Variants in C7 observed in about 807,000 individuals in gnomAD.
C7 encodes complement C7.
A neutral mutation model predicts 104.8 loss-of-function variants in C7; 83 were observed. The ratio of observed to expected loss-of-function variants is 0.79; its 90% confidence interval spans 0.66 to 0.95. C7 has a LOEUF of 0.95. Ranked by LOEUF, C7 falls within the 40% of genes least tolerant of loss-of-function variation. The pLI is 0.00. For synonymous variants in C7, 415 were observed against 360.6 expected, an observed-to-expected ratio of 1.15 and a Z score of -1.71; for missense variants, 1,070 against 1,011.2, an observed-to-expected ratio of 1.06 and a Z score of -0.79.
chr5:40,914,120 C>T (rs1739268530), intron 1 of C7, among the ~76,000 whole-genome samples: 1 of 152,198 alleles, frequency 6.6e-6, no homozygotes. Context: ...TGAGCCATCA[C>T]ATTCAGCCAG....
intron 6 of C7, among the ~76,000 whole-genome samples, chr5:40,938,029 C>G (rs978498468): frequency 6.6e-6 from 1 of 152,140 alleles, no homozygotes; most frequent in African/African-American, 2.4e-5. Flanking sequence ...GACACTGCTA[C>G]AGTGTCAGCT....
At chr5:40,967,081 T>TTTGAGATGGA (rs1740571267) in intron 14 of C7, among the ~76,000 whole-genome samples, 1 of 104,650 alleles carries the variant, frequency 9.6e-6, no homozygotes, top group Non-Finnish European at 2.4e-5. Context: ...TTTTTTTTTT[T>TTTGAGATGGA]CTTTGAGATG....
In C7 at chr5:40,936,467, T is replaced by C. The variant is rs914605329; in HGVS notation, c.410T>C (p.Ile137Thr). The change falls in exon 5 of 18, where the codon ATA (isoleucine) becomes ACA (threonine). Residue 137 changes from isoleucine (I) to threonine (T), a missense_variant. Transcript: ENST00000313164. ...SCDIDKPPPN[I>T]ELTGNGYNEL... Reference sequence around the variant, plus strand: ...GATATCGATAAACCTCCTCCTAACATAGAACTTACTGGAAATGGGTAAGGT... The same window carrying C: ...GATATCGATAAACCTCCTCCTAACACAGAACTTACTGGAAATGGGTAAGGT... The C allele has an allele frequency of 3.7e-6, 6 of 1,613,018 alleles. No homozygotes were observed. In the African/African-American group the frequency reaches 8.0e-5, roughly 22 times the overall value.
At chr5:40,975,055 G>T (rs947456582) in intron 15 of C7, among the ~76,000 whole-genome samples, 1 of 152,100 alleles carries the variant, frequency 6.6e-6, no homozygotes, top group African/African-American at 2.4e-5. Flanking sequence ...GGACAAAACT[G>T]CCCCTGGTTG....
intron 14 of C7, among the ~76,000 whole-genome samples, chr5:40,965,649 T>TATATATATATATATATA (rs1554043911): frequency 1.1e-4 from 3 of 26,638 alleles, no homozygotes; most frequent in African/African-American, 7.4e-4. Flanking sequence ...TATATATATA[T>TATATATATATATATATA]TTTTTTTTTG....
At chr5:40,916,511 G>A (rs534858100) in intron 1 of C7, among the ~76,000 whole-genome samples, 18 of 152,156 alleles carry the variant, frequency 1.2e-4, no homozygotes, top group African/African-American at 3.4e-4. Flanking sequence ...GTATCCCTCC[G>A]GAGTGCTGTA....
In C7 at chr5:40,968,756, C is replaced by T. The variant is rs187229471; in HGVS notation, c.1883-3647C>T. ...CCTCCTGAGTAGCTGGGATTATAGACGCTTGCCACAGTGCCCAGCTAATTT... is the reference window on the plus strand; with the variant it reads ...CCTCCTGAGTAGCTGGGATTATAGATGCTTGCCACAGTGCCCAGCTAATTT... On this transcript the variant is annotated intron_variant, in intron 14 of 17. Transcript: ENST00000313164. 1.0e-4 allele frequency among the ~76,000 whole-genome samples: 15 copies of T among 150,656 alleles called. No individual in the cohort carries two copies. In the East Asian group the frequency reaches 1.4e-3, roughly 14 times the overall value.
At chr5:40,949,397 G>A (rs953025670) in intron 8 of C7, among the ~76,000 whole-genome samples, 1 of 150,494 alleles carries the variant, frequency 6.6e-6, no homozygotes, top group African/African-American at 2.4e-5. Flanking sequence ...CCTTGATAAT[G>A]AGTAGAAATG....
intron 13 of C7, among the ~76,000 whole-genome samples, chr5:40,962,959 T>A (rs1740454061): frequency 1.3e-5 from 2 of 152,296 alleles, no homozygotes; most frequent in South Asian, 4.1e-4. Flanking sequence ...GAAAGTTGTG[T>A]GTTCACGCAA....
intron 14 of C7, among the ~76,000 whole-genome samples, chr5:40,968,549 T>A (rs1740608386): frequency 8.3e-6 from 1 of 120,300 alleles, no homozygotes; most frequent in South Asian, 3.1e-4. Flanking sequence ...TTTTTCAACT[T>A]AAAACAATTA....
chr5:40,914,306 G>T (rs965833628), intron 1 of C7, among the ~76,000 whole-genome samples: 5 of 151,990 alleles, frequency 3.3e-5, no homozygotes, highest in South Asian at 2.1e-4. Context: ...TAATGTTTTT[G>T]TTGTTGTTGT....
chr5:40,948,304 A>G (rs1168948145), intron 8 of C7, among the ~76,000 whole-genome samples: 1 of 152,196 alleles, frequency 6.6e-6, no homozygotes, highest in Non-Finnish European at 1.5e-5. Flanking sequence ...AATACTTGTA[A>G]CAATAGCTTA....
At position 40,936,461 on chromosome 5, in the gene C7, C is replaced by T; in HGVS notation, c.404C>T (p.Pro135Leu). 6.2e-7 allele frequency: 1 copy of T among 1,613,212 alleles called. No individual in the cohort carries two copies. Among genetic ancestry groups the T allele is most frequent in the South Asian group, 1.1e-5 (1 of 90,982 alleles). The change falls in exon 5 of 18, where the codon CCT (proline) becomes CTT (leucine). Residue 135 changes from proline to leucine, a missense_variant. By Grantham distance (98) the Pro-to-Leu change is moderately conservative. Transcript: ENST00000313164. The stretch of plus-strand genomic sequence containing the variant: ...TCCTGTGATATCGATAAACCTCCTC[C>T]TAACATAGAACTTACTGGAAATGGG... Reference protein sequence around the residue: ...RPSCDIDKPPPNIELTGNGYN... With the variant: ...RPSCDIDKPPLNIELTGNGYN...
At chr5:40,939,528 A>G (rs937034670) in intron 6 of C7, among the ~76,000 whole-genome samples, 4 of 152,122 alleles carry the variant, frequency 2.6e-5, no homozygotes, top group Non-Finnish European at 5.9e-5. Flanking sequence ...TACTCTCCCC[A>G]TGTGTTTCAC....
At chr5:40,943,233 G>A (rs1739977579) in intron 6 of C7, among the ~76,000 whole-genome samples, 1 of 152,192 alleles carries the variant, frequency 6.6e-6, no homozygotes, top group Non-Finnish European at 1.5e-5. Context: ...GAGAAAGGGG[G>A]AGAATAAGTG....
intron 15 of C7, among the ~76,000 whole-genome samples, chr5:40,973,506 T>C (rs530532496): frequency 2.0e-5 from 3 of 152,196 alleles, no homozygotes; most frequent in Non-Finnish European, 2.9e-5. Flanking sequence ...CGACAGGGTA[T>C]GGAGCACTCA....
chr5:40,966,141 G>T (rs775157657), intron 14 of C7, among the ~76,000 whole-genome samples: 4 of 151,244 alleles, frequency 2.6e-5, no homozygotes, highest in Non-Finnish European at 4.4e-5. Context: ...AGGTTTTTGG[G>T]GAACAGATGG....
chr5:40,917,201 AT>A (rs1404868202), intron 1 of C7, among the ~76,000 whole-genome samples: 3 of 152,060 alleles, frequency 2.0e-5, no homozygotes, highest in African/African-American at 7.2e-5. Flanking sequence ...TGTATGATAG[AT>A]CTCTTGAACT....
At chr5:40,967,081 TC>T (rs201633352) in intron 14 of C7, among the ~76,000 whole-genome samples, 19,015 of 104,510 alleles carry the variant, frequency 0.18, 1,450 homozygotes, top group East Asian at 0.27. Context: ...TTTTTTTTTT[TC>T]TTTGAGATGG....
Sources: gnomAD v4.1 joint callset for allele counts (sites outside exome capture counted in the v4.1 genomes callset) on GRCh38, gnomAD v4.1.1 for gene constraint, MANE v1.5 for transcripts, NCBI Gene and HGNC (gene_info 2026-07-23, HGNC 2026-07-21) for gene names.